EXOC5: variants seen among roughly 807,000 people sequenced by gnomAD.
EXOC5 encodes exocyst complex component 5, also known as SEC10-like 1.
Under a neutral mutation model 90.8 loss-of-function variants are expected in EXOC5, and 17 were observed. That is an observed-to-expected ratio of 0.19 (90% CI 0.13 to 0.28). The LOEUF is 0.28. EXOC5 is among the 10% of genes least tolerant of loss of function. The probability of loss-of-function intolerance (pLI) is 1.00; values close to 1 mark genes in which losing one functional copy is unlikely to be tolerated. For synonymous variants in EXOC5, 260 were observed against 270.0 expected (o/e 0.96, Z 0.36); for missense variants, 569 against 830.6 (o/e 0.69, Z 3.87).
At position 57,246,701 on chromosome 14, in the gene EXOC5, A is replaced by G; in HGVS notation, c.270+10T>C. 1.2e-6 allele frequency: 2 copies of G among 1,606,620 alleles called. No individual in the cohort carries two copies. The highest frequency in any genetic ancestry group is 1.7e-6 in the Non-Finnish European group (2 of 1,177,432). The stretch of plus-strand genomic sequence containing the variant: ...TATATAAAATACCCATTTCTTAACA[A>G]AACGTTTACCTGATTGCTTTTCTGC... On this transcript the variant is annotated intron_variant, in intron 3 of 17. Coordinates refer to ENST00000621441, the MANE Select transcript of EXOC5 (RefSeq NM_006544.4).
At chr14:57,245,526 T>C (rs1884008547) in intron 3 of EXOC5, among the ~76,000 whole-genome samples, 2 of 152,168 alleles carry the variant, frequency 1.3e-5, no homozygotes, top group African/African-American at 4.8e-5. Context: ...ACTATTATTA[T>C]TATTACCAAG....
intron 1 of EXOC5, among the ~76,000 whole-genome samples, chr14:57,254,436 C>CA (rs200928380): frequency 0.016 from 1,933 of 123,732 alleles, 38 homozygotes; most frequent in African/African-American, 0.044. Context: ...GAATCTGTTC[C>CA]AAAAAAAAAA....
chr14:57,238,223 TAC>T (rs61373267), intron 5 of EXOC5, among the ~76,000 whole-genome samples: 76,915 of 124,284 alleles, frequency 0.62, 25,267 homozygotes, highest in South Asian at 0.78. Context: ...CACATATATA[TAC>T]ACACACACAC....
chr14:57,211,340 C>A (rs191973345), intron 15 of EXOC5, among the ~76,000 whole-genome samples: 1 of 152,314 alleles, frequency 6.6e-6, no homozygotes, highest in East Asian at 1.9e-4. Flanking sequence ...CTTCATCCAA[C>A]TTACTGATGG....
At chr14:57,241,275 T>C (rs776256054) in intron 4 of EXOC5, among the ~76,000 whole-genome samples, 44 of 152,192 alleles carry the variant, frequency 2.9e-4, no homozygotes, top group Non-Finnish European at 5.3e-4. Context: ...GCTTCAGTCA[T>C]CCCTTTTCTC....
Position 57,229,813 on chromosome 14 carries a change from T to A in EXOC5, c.1217A>T (p.His406Leu). 6.5e-7 allele frequency: 1 copy of A among 1,531,312 alleles called. No individual in the cohort carries two copies. Among genetic ancestry groups the A allele is most frequent in the Non-Finnish European group, 8.8e-7 (1 of 1,133,196 alleles). The allele number at this position is 1,531,312 out of a possible 1,614,324, so 94.9% of individuals were successfully genotyped here. Residue 406 changes from histidine (H) to leucine (L), a missense_variant, in exon 12 of 18, where the codon CAT (histidine) becomes CTT (leucine). His to Leu is a moderately conservative substitution (Grantham distance 99). This residue lies in a region of EXOC5 where 69 missense variants were observed against 115.5 expected (regional missense o/e 0.60). Transcript: ENST00000621441. ...NLPLGPSIDT[H>L]GETFLSQEVV... ...TTCTTGGGATAGAAAAGTCTCCCCA[T>A]GAGTATCGATACTTGGCCCAAGTGG...
chr14:57,211,073 C>T (rs1462684823), intron 15 of EXOC5, among the ~76,000 whole-genome samples: 1 of 151,352 alleles, frequency 6.6e-6, no homozygotes, highest in East Asian at 1.9e-4. Flanking sequence ...TGGTTTTTGT[C>T]TTAGAAGTCT....
intron 15 of EXOC5, 96 bp from the exon 16 acceptor site, chr14:57,210,157 A>T (rs1280644591): frequency 1.7e-6 from 1 of 605,736 alleles, no homozygotes; most frequent in African/African-American, 1.9e-5. Flanking sequence ...TCAGTTATTT[A>T]ATTTCCTATC....
intron 5 of EXOC5, among the ~76,000 whole-genome samples, chr14:57,238,511 C>G (rs373798119): frequency 1.3e-5 from 2 of 150,892 alleles, no homozygotes; most frequent in East Asian, 1.9e-4. Context: ...TTATTATGAG[C>G]CTATTTTGAG....
At chr14:57,226,820 A>C (rs1883322267) in intron 12 of EXOC5, among the ~76,000 whole-genome samples, 1 of 152,326 alleles carries the variant, frequency 6.6e-6, no homozygotes, top group Middle Eastern at 3.4e-3. Flanking sequence ...ATACTGTATA[A>C]CTTAACTCAA....
rs912834916 is a variant in EXOC5, at chr14:57,237,851, ATATAT to A, written c.531-490_531-486del. 2.6e-5 allele frequency among the ~76,000 whole-genome samples: 4 copies of A among 152,136 alleles called. 1 individual carries two copies. In the South Asian group the frequency reaches 6.2e-4, roughly 24 times the overall value. ...TTCAAAAGAAAAAGATGATCAAATA[ATATAT>A]TATATGATGATATATTAATGACAAA... On this transcript the variant is annotated intron_variant, in intron 5 of 17. Coordinates refer to ENST00000621441, the MANE Select transcript of EXOC5 (RefSeq NM_006544.4).
At chr14:57,254,252 C>T (rs1264297636) in intron 1 of EXOC5, among the ~76,000 whole-genome samples, 2 of 151,884 alleles carry the variant, frequency 1.3e-5, no homozygotes, top group Non-Finnish European at 2.9e-5. Flanking sequence ...ATGGCAAACA[C>T]AGCAAAGCCC....
rs1005961201 is a variant in EXOC5, at chr14:57,201,527, C to A, written c.*7082G>T. The stretch of plus-strand genomic sequence containing the variant: ...ACACACACATATGTATATATATACA[C>A]ACACACCACACATATACATATATTT... On this transcript the variant is annotated 3_prime_UTR_variant, in exon 18 of 18. Transcript: ENST00000621441. The A allele has an allele frequency of 7.1e-6, 1 of 140,076 alleles. No individual in the cohort carries two copies. Among genetic ancestry groups the A allele is most frequent in the Non-Finnish European group, 1.5e-5 (1 of 66,764 alleles). The allele number at this position is 140,076 out of a possible 1,614,324, so 8.7% of individuals were successfully genotyped here.
chr14:57,235,660 C>A (rs374913027), intron 7 of EXOC5, 51 bp downstream of exon 7: 5 of 909,290 alleles, frequency 5.5e-6, no homozygotes, highest in Admixed American at 2.0e-5. Context: ...ATAGAACTTA[C>A]GTAATTTCCA....
intron 15 of EXOC5, among the ~76,000 whole-genome samples, chr14:57,216,940 A>G (rs1882992735): frequency 6.6e-6 from 1 of 152,192 alleles, no homozygotes; most frequent in African/African-American, 2.4e-5. Context: ...AAAATAAATG[A>G]TCCAATGATT....
At chr14:57,213,899 G>A (rs972019254) in intron 15 of EXOC5, among the ~76,000 whole-genome samples, 4 of 151,992 alleles carry the variant, frequency 2.6e-5, no homozygotes, top group Admixed American at 2.0e-4. Flanking sequence ...GAACCCAGGA[G>A]GCATGGGTTG....
intron 15 of EXOC5, among the ~76,000 whole-genome samples, chr14:57,211,388 A>G (rs1356687718): frequency 1.3e-5 from 2 of 151,614 alleles, no homozygotes; most frequent in Non-Finnish European, 2.9e-5. Context: ...GTAAGAAGTC[A>G]GACGTCACTT....
intron 1 of EXOC5, among the ~76,000 whole-genome samples, chr14:57,268,020 GTCTA>G (rs1056306991): frequency 1.1e-4 from 16 of 151,512 alleles, no homozygotes; most frequent in East Asian, 5.8e-4. Flanking sequence ...CCTCCCTTCA[GTCTA>G]TCTCTCTTCA....
chr14:57,219,262 T>C, intron 14 of EXOC5, 60 bp downstream of exon 14: 1 of 955,100 alleles, frequency 1.0e-6, no homozygotes, highest in Non-Finnish European at 1.5e-6. Flanking sequence ...TATATATAGA[T>C]TATGTAGAAT....
Sources: gnomAD v4.1 joint callset for allele counts (sites outside exome capture counted in the v4.1 genomes callset) on GRCh38, gnomAD v4.1.1 for gene constraint, gnomAD v4.1.1 regional missense constraint, MANE v1.5 for transcripts, NCBI Gene and HGNC (gene_info 2026-07-23, HGNC 2026-07-21) for gene names.